Variants in PIGL observed in about 807,000 individuals in gnomAD.
The protein encoded by PIGL is N-acetylglucosaminyl-phosphatidylinositol de-N-acetylase.
A neutral mutation model predicts 31.1 loss-of-function variants in PIGL; 22 were observed. That is an observed-to-expected ratio of 0.71 (90% CI 0.51 to 1.01). The LOEUF is 1.01. PIGL is among the 50% of genes least tolerant of loss of function. The pLI, the probability that PIGL is intolerant of heterozygous loss-of-function variation, is 0.00. For missense variants in PIGL, 302 were observed against 315.9 expected (o/e 0.96, Z 0.33); for synonymous variants, 131 against 117.4 (o/e 1.12, Z -0.75).
intron 6 of PIGL, chr17:16,324,382 G>A (rs2093118577): frequency 6.6e-6 from 1 of 152,070 alleles, no homozygotes; most frequent in African/African-American, 2.4e-5. Context: ...CCAGGCTGGA[G>A]TGCAGTGGCG....
At chr17:16,220,816 A>G (rs1600735270) in intron 1 of PIGL, among the ~76,000 whole-genome samples, 1 of 151,982 alleles carries the variant, frequency 6.6e-6, no homozygotes, top group African/African-American at 2.4e-5. Context: ...TATTTTCAGT[A>G]GAGACAGGGT....
intron 2 of PIGL, among the ~76,000 whole-genome samples, chr17:16,234,772 A>G (rs1035041753): frequency 6.6e-6 from 1 of 152,178 alleles, no homozygotes; most frequent in East Asian, 1.9e-4. Flanking sequence ...CTCAAAAATA[A>G]TAATAATAAT....
chr17:16,252,909 CT>C (rs1366310702), intron 2 of PIGL, among the ~76,000 whole-genome samples: 1 of 152,148 alleles, frequency 6.6e-6, no homozygotes, highest in Non-Finnish European at 1.5e-5. Flanking sequence ...CAGAAAAGAA[CT>C]GTTTATGGTG....
intron 3 of PIGL, among the ~76,000 whole-genome samples, chr17:16,304,710 T>G (rs753674093): frequency 3.3e-5 from 5 of 152,224 alleles, no homozygotes; most frequent in Non-Finnish European, 5.9e-5. Context: ...GGCTAGGTCC[T>G]GGGCCTCAAC....
chr17:16,287,436 C>T (rs2092942903), intron 2 of PIGL, among the ~76,000 whole-genome samples: 1 of 152,236 alleles, frequency 6.6e-6, no homozygotes, highest in South Asian at 2.1e-4. Context: ...TGCTTCCCTG[C>T]CTTCTCCATC....
chr17:16,292,625 G>C (rs2092965801), intron 2 of PIGL, among the ~76,000 whole-genome samples: 1 of 152,114 alleles, frequency 6.6e-6, no homozygotes, highest in Non-Finnish European at 1.5e-5. Context: ...TAAAAAATTG[G>C]AAACAACCTA....
At chr17:16,264,576 A>G (rs566716116) in intron 2 of PIGL, among the ~76,000 whole-genome samples, 24 of 151,890 alleles carry the variant, frequency 1.6e-4, no homozygotes, top group South Asian at 1.2e-3. Flanking sequence ...TTTAAGTCAA[A>G]CTAGTCTTCC....
At chr17:16,305,978 C>T (rs962554932) in intron 3 of PIGL, among the ~76,000 whole-genome samples, 3 of 152,084 alleles carry the variant, frequency 2.0e-5, no homozygotes, top group African/African-American at 7.2e-5. Context: ...GAGATAGAGT[C>T]TCACTCTGTC....
chr17:16,240,540 G>A (rs1600762737), intron 2 of PIGL, among the ~76,000 whole-genome samples: 3 of 151,874 alleles, frequency 2.0e-5, no homozygotes, highest in African/African-American at 7.3e-5. Flanking sequence ...GTTTTGCTCT[G>A]TCACCCAGGA....
intron 2 of PIGL, among the ~76,000 whole-genome samples, chr17:16,287,204 T>C (rs2092942101): frequency 6.6e-6 from 1 of 152,068 alleles, no homozygotes; most frequent in Admixed American, 6.5e-5. Flanking sequence ...CCCACACTGC[T>C]CCTCCTGCTG....
Position 16,285,548 on chromosome 17 carries a change from G to A in PIGL, c.336-14340G>A, listed in dbSNP as rs150364092. The stretch of plus-strand genomic sequence containing the variant: ...TGCGCCACTGCTCTCCAGCCTGGGC[G>A]ACAGAGTGAGGCTCTGTCTCCAAAA... On this transcript the variant is annotated intron_variant, in intron 2 of 6. Transcript: ENST00000225609. Among the ~76,000 whole-genome samples the A allele has an allele frequency of 4.0e-5, 6 of 151,708 alleles. No individual in the cohort carries two copies. In the East Asian group the frequency reaches 5.8e-4, roughly 15 times the overall value.
At chr17:16,316,145 A>G (rs1209159142) in intron 4 of PIGL, among the ~76,000 whole-genome samples, 1 of 152,042 alleles carries the variant, frequency 6.6e-6, no homozygotes, top group African/African-American at 2.4e-5. Context: ...TACCTTCCCA[A>G]TCCTTCTCTG....
intron 6 of PIGL, among the ~76,000 whole-genome samples, chr17:16,320,233 G>GAGA (rs2093097880): frequency 2.9e-5 from 3 of 105,252 alleles, no homozygotes; most frequent in African/African-American, 1.3e-4. Context: ...AAGGAAGGAA[G>GAGA]GAAGGAAGGA....
intron 1 of PIGL, among the ~76,000 whole-genome samples, chr17:16,227,578 C>CTTTTTTTTTTTTTTTT (rs57452229): frequency 1.9e-5 from 2 of 103,196 alleles, no homozygotes; most frequent in Non-Finnish European, 3.7e-5. Context: ...ATTTTCTTTT[C>CTTTTTTTTTTTTTTTT]TTTTTTTTTT....
chr17:16,322,370 C>T (rs900452932), intron 6 of PIGL, among the ~76,000 whole-genome samples: 9 of 152,320 alleles, frequency 5.9e-5, no homozygotes, highest in Middle Eastern at 6.8e-3. Flanking sequence ...GCTGGGATTA[C>T]AGGCGGGAGT....
chr17:16,278,058 CT>C (rs57845853), intron 2 of PIGL, among the ~76,000 whole-genome samples: 2,782 of 140,970 alleles, frequency 0.02, 56 homozygotes, highest in African/African-American at 0.058. Flanking sequence ...AAACTCAATT[CT>C]TTTTTTTTTT....
intron 2 of PIGL, among the ~76,000 whole-genome samples, chr17:16,254,660 A>C (rs1276519199): frequency 2.6e-5 from 4 of 151,952 alleles, no homozygotes; most frequent in African/African-American, 9.7e-5. Flanking sequence ...GCTGGAATGC[A>C]GTGGCGCTAT....
intron 1 of PIGL, among the ~76,000 whole-genome samples, chr17:16,224,950 G>A (rs1055721422): frequency 2.6e-5 from 4 of 152,116 alleles, no homozygotes; most frequent in Admixed American, 2.0e-4. Context: ...GCCACAGTGC[G>A]TGGCCCTTGC....
intron 2 of PIGL, among the ~76,000 whole-genome samples, chr17:16,249,521 A>G (rs2092762159): frequency 6.6e-6 from 1 of 152,140 alleles, no homozygotes; most frequent in Non-Finnish European, 1.5e-5. Flanking sequence ...GATTATAGAT[A>G]TATGAGAGGG....
Sources: gnomAD v4.1 joint callset for allele counts (sites outside exome capture counted in the v4.1 genomes callset) on GRCh38, gnomAD v4.1.1 for gene constraint, MANE v1.5 for transcripts, NCBI Gene and HGNC (gene_info 2026-07-23, HGNC 2026-07-21) for gene names.